FHIP1A: variants seen among roughly 807,000 people sequenced by gnomAD.
The protein encoded by FHIP1A is FHF complex subunit HOOK-interacting protein 1A.
In FHIP1A, 61 loss-of-function variants were observed where a neutral mutation model predicts 88.6. The observed-to-expected ratio is 0.69, with a 90% CI of 0.56 to 0.85. The LOEUF (loss-of-function observed/expected upper bound fraction) is 0.85, where lower values mean the gene tolerates loss of function less well. FHIP1A is among the 40% of genes least tolerant of loss of function. The pLI is 0.00. For missense variants in FHIP1A, 1,154 were observed against 1,273.5 expected, an observed-to-expected ratio of 0.91 and a Z score of 1.43; for synonymous variants, 478 against 496.0, an observed-to-expected ratio of 0.96 and a Z score of 0.48.
intron 9 of FHIP1A, among the ~76,000 whole-genome samples, chr4:151,646,163 A>C (rs1323279374): frequency 6.6e-6 from 1 of 152,188 alleles, no homozygotes; most frequent in Non-Finnish European, 1.5e-5. Context: ...AGCATAGTGG[A>C]GGGAGGGATT....
chr4:151,448,128 A>G (rs1383688494), intron 1 of FHIP1A, among the ~76,000 whole-genome samples: 1 of 151,830 alleles, frequency 6.6e-6, no homozygotes, highest in African/African-American at 2.4e-5. Context: ...CATGTTGGCC[A>G]GGCTGCTCTT....
chr4:151,435,316 A>C (rs1462366557), intron 1 of FHIP1A, among the ~76,000 whole-genome samples: 1 of 152,100 alleles, frequency 6.6e-6, no homozygotes, highest in Non-Finnish European at 1.5e-5. Flanking sequence ...TCAACTCTCT[A>C]CCTCATGAGA....
intron 2 of FHIP1A, among the ~76,000 whole-genome samples, chr4:151,469,854 G>A (rs990758012): frequency 1.5e-4 from 23 of 152,206 alleles, no homozygotes; most frequent in African/African-American, 5.3e-4. Flanking sequence ...GTCAGGAGAC[G>A]GCAAATCATT....
intron 1 of FHIP1A, among the ~76,000 whole-genome samples, chr4:151,453,115 C>T (rs1561501709): frequency 6.6e-6 from 1 of 151,752 alleles, no homozygotes; most frequent in Non-Finnish European, 1.5e-5. Context: ...CTCCTGGGTT[C>T]AAGCGATTCT....
chr4:151,442,278 C>T (rs1378171003), intron 1 of FHIP1A, among the ~76,000 whole-genome samples: 1 of 151,948 alleles, frequency 6.6e-6, no homozygotes, highest in Non-Finnish European at 1.5e-5. Context: ...CAATAGATAC[C>T]TGCTGTTTTA....
At chr4:151,615,109 C>T (rs1194596390) in intron 7 of FHIP1A, among the ~76,000 whole-genome samples, 3 of 152,130 alleles carry the variant, frequency 2.0e-5, no homozygotes, top group African/African-American at 7.2e-5. Flanking sequence ...GTTATAAATC[C>T]TCTAAAACGC....
chr4:151,637,899 C>T (rs774751636), intron 8 of FHIP1A, among the ~76,000 whole-genome samples: 5 of 152,086 alleles, frequency 3.3e-5, no homozygotes, highest in Non-Finnish European at 7.4e-5. Flanking sequence ...GCCCAACCTG[C>T]CTAGAAGACA....
intron 5 of FHIP1A, among the ~76,000 whole-genome samples, chr4:151,582,039 G>T (rs920495814): frequency 6.6e-6 from 1 of 152,110 alleles, no homozygotes; most frequent in Admixed American, 6.6e-5. Context: ...AATATTGATG[G>T]TTAAGCCCAT....
At chr4:151,587,442 T>G (rs903759998) in intron 6 of FHIP1A, among the ~76,000 whole-genome samples, 2 of 152,074 alleles carry the variant, frequency 1.3e-5, no homozygotes, top group Non-Finnish European at 2.9e-5. Flanking sequence ...AATATTTTAG[T>G]TCCATATAGC....
intron 2 of FHIP1A, among the ~76,000 whole-genome samples, chr4:151,465,257 T>C (rs1729268757): frequency 6.6e-6 from 1 of 151,860 alleles, no homozygotes; most frequent in Non-Finnish European, 1.5e-5. Context: ...TCTACGCAAA[T>C]AAACTAGAAA....
In FHIP1A at chr4:151,566,313, G is replaced by A; in HGVS notation, c.54G>A (p.Gln18=). The A allele has an allele frequency of 6.4e-7, 1 of 1,550,960 alleles. No individual in the cohort carries two copies. Among genetic ancestry groups the A allele is most frequent in the African/African-American group, 1.4e-5 (1 of 73,092 alleles). ...ESKLQQAVSL[Q]GVDPETCMIV... is the part of the protein sequence containing the mutation. ...AACTCCAGCAGGCTGTGAGCCTACA[G>A]GGAGTTGACCCAGAAACATGCATGA... Residue 18 remains glutamine, a synonymous_variant, in exon 4 of 14, where the codon CAG becomes CAA. Transcript: ENST00000435205.
intron 7 of FHIP1A, among the ~76,000 whole-genome samples, chr4:151,607,819 A>G (rs539921144): frequency 6.6e-6 from 1 of 152,226 alleles, no homozygotes; most frequent in African/African-American, 2.4e-5. Flanking sequence ...ACTACCTATT[A>G]TTACTTATTT....
rs544955385 is a variant in FHIP1A at position 151,665,254 on chromosome 4, G to A, written c.*2500G>A. Among the ~76,000 whole-genome samples the A allele has an allele frequency of 6.6e-6, 1 of 152,340 alleles. No homozygotes were observed. Among genetic ancestry groups the A allele is most frequent in the African/African-American group, 2.4e-5 (1 of 41,580 alleles). On this transcript the variant is annotated 3_prime_UTR_variant, in exon 14 of 14. Coordinates refer to ENST00000435205, the MANE Select transcript of FHIP1A (RefSeq NM_001109977.3). ...GGCCTCCCGAAGTGCTGGGATTACAGGTGTGAGCCACTGGGTCCAGCCTGA... is the reference window on the plus strand; with the variant it reads ...GGCCTCCCGAAGTGCTGGGATTACAAGTGTGAGCCACTGGGTCCAGCCTGA...
At chr4:151,458,615 C>G (rs951007886) in intron 2 of FHIP1A, among the ~76,000 whole-genome samples, 1 of 152,000 alleles carries the variant, frequency 6.6e-6, no homozygotes, top group Non-Finnish European at 1.5e-5. Context: ...TGAGTAAGGT[C>G]TACTGGAATA....
intron 2 of FHIP1A, among the ~76,000 whole-genome samples, chr4:151,460,553 A>C (rs1004229254): frequency 6.6e-6 from 1 of 152,200 alleles, no homozygotes; most frequent in African/African-American, 2.4e-5. Context: ...AAGTGTATAG[A>C]GAGGGTCACT....
intron 7 of FHIP1A, among the ~76,000 whole-genome samples, chr4:151,605,382 T>A (rs1735032943): frequency 6.6e-6 from 1 of 152,100 alleles, no homozygotes; most frequent in Admixed American, 6.5e-5. Context: ...GAAGGGAAGA[T>A]AATTACATAC....
At chr4:151,581,876 A>G (rs1193268065) in intron 5 of FHIP1A, among the ~76,000 whole-genome samples, 1 of 152,198 alleles carries the variant, frequency 6.6e-6, no homozygotes, top group Non-Finnish European at 1.5e-5. Context: ...TTACTGTTAT[A>G]GTTGATAGGA....
chr4:151,643,382 G>A (rs1736665350), intron 9 of FHIP1A, among the ~76,000 whole-genome samples: 1 of 152,080 alleles, frequency 6.6e-6, no homozygotes, highest in Non-Finnish European at 1.5e-5. Context: ...TTTGATGCAT[G>A]CGTGCACTGT....
chr4:151,483,076 C>T (rs191035718), intron 3 of FHIP1A, among the ~76,000 whole-genome samples: 6 of 152,134 alleles, frequency 3.9e-5, no homozygotes, highest in African/African-American at 1.2e-4. Flanking sequence ...ATAAATTCTA[C>T]GAAGTGACTG....
Sources: allele counts gnomAD v4.1 joint callset (sites outside exome capture counted in the v4.1 genomes callset), GRCh38; gene constraint gnomAD v4.1.1; transcripts MANE v1.5; gene names NCBI Gene and HGNC (gene_info 2026-07-23, HGNC 2026-07-21).